The following GLT6D1 variants were observed in gnomAD, a reference collection of about 807,000 sequenced individuals.
GLT6D1 encodes putative glycosyltransferase 6 domain-containing protein 1.
A neutral mutation model predicts 12.3 loss-of-function variants in GLT6D1; 9 were observed. The ratio of observed to expected loss-of-function variants is 0.73; its 90% CI spans 0.44 to 1.27. The LOEUF is 1.27. Ranked by LOEUF, GLT6D1 falls within the 50% of genes most tolerant of loss-of-function variation. The pLI is 0.00. For synonymous variants in GLT6D1, 128 were observed against 132.3 expected, an observed-to-expected ratio of 0.97 and a Z score of 0.23; for missense variants, 335 against 346.2, an observed-to-expected ratio of 0.97 and a Z score of 0.26.
intron 2 of GLT6D1, among the ~76,000 whole-genome samples, chr9:135,634,846 C>A (rs1833735659): frequency 6.6e-6 from 1 of 152,126 alleles, no homozygotes; most frequent in Admixed American, 6.5e-5. Flanking sequence ...CTCTCAGACC[C>A]CATCATGACT....
chr9:135,629,326 C>T (rs1030165538), intron 3 of GLT6D1, among the ~76,000 whole-genome samples: 1 of 152,060 alleles, frequency 6.6e-6, no homozygotes, highest in Non-Finnish European at 1.5e-5. Context: ...TTTTTATTTT[C>T]AATCACCTTA....
At chr9:135,639,755 G>A (rs541108686), upstream of GLT6D1, among the ~76,000 whole-genome samples, 200 of 152,196 alleles carry the variant, frequency 1.3e-3, no homozygotes, top group African/African-American at 4.6e-3. Context: ...GAGGCTTCAC[G>A]TGGGATTTGG....
At chr9:135,637,931 G>T (rs1537414) in intron 2 of GLT6D1, among the ~76,000 whole-genome samples, 88,269 of 152,080 alleles carry the variant, frequency 0.58, 26,667 homozygotes, top group Middle Eastern at 0.7. Flanking sequence ...TGCTTATGAA[G>T]AAGACCATGA....
intron 2 of GLT6D1, among the ~76,000 whole-genome samples, chr9:135,633,647 A>C: frequency 6.6e-6 from 1 of 152,182 alleles, no homozygotes; most frequent in East Asian, 1.9e-4. Flanking sequence ...TAGTGTAACT[A>C]TTGCATAGGA....
intron 3 of GLT6D1, among the ~76,000 whole-genome samples, chr9:135,630,110 T>C (rs1230141266): frequency 6.6e-6 from 1 of 152,158 alleles, no homozygotes; most frequent in Non-Finnish European, 1.5e-5. Context: ...ATTTTCTATA[T>C]GTCATGTAAT....
Position 135,639,124 on chromosome 9 carries a change from A to G in GLT6D1, c.64T>C (p.Tyr22His), listed in dbSNP as rs750963076. ...TCAATACTTTATATTTACCTGAAAT[A>G]ACGCTCAACCAACATCAGTGAAAAA... ...FAFSLMLVER[Y>H]FRNHQVEELR... The change falls in exon 2 of 5, where the codon TAT becomes CAT. Residue 22 changes from tyrosine (Y) to histidine (H), a missense_variant. Coordinates refer to ENST00000371763, the MANE Select transcript of GLT6D1 (RefSeq NM_182974.3). 14 of 1,552,426 alleles carry G rather than the reference A, an allele frequency of 9.0e-6. No individual in the cohort carries two copies. Among genetic ancestry groups the G allele is most frequent in the Middle Eastern group, 1.7e-4 (1 of 5,806 alleles).
In GLT6D1 at chr9:135,623,901, T is replaced by C. The variant is rs147595395; in HGVS notation, c.*196A>G. 6.6e-4 allele frequency: 339 copies of C among 511,830 alleles called. 2 individuals are homozygous for C. In the East Asian group the frequency reaches 0.011, roughly 17 times the overall value. The allele number at this position is 511,830 out of a possible 1,614,324, so 31.7% of individuals were successfully genotyped here. Reference sequence around the variant, plus strand: ...AAGAAACATTTATTTGGGAAGGATGTAAATTTGTATGTCTCTAAAAAATGG... The same window carrying C: ...AAGAAACATTTATTTGGGAAGGATGCAAATTTGTATGTCTCTAAAAAATGG... On this transcript the variant is annotated 3_prime_UTR_variant, in exon 5 of 5. Coordinates refer to ENST00000371763, the MANE Select transcript of GLT6D1 (RefSeq NM_182974.3).
chr9:135,636,359 A>G lies in GLT6D1; in HGVS notation c.71+2758T>C, dbSNP rs372979301. On this transcript the variant is annotated intron_variant, in intron 2 of 4. Transcript: ENST00000371763. ...ACAGAGTGAGACTCTGTCTCAAAAC[A>G]AAACAAAACAAAAAAAACTCCACTC... Among the ~76,000 whole-genome samples the G allele has an allele frequency of 1.3e-4, 20 of 152,264 alleles. No homozygotes were observed. The East Asian group carries it at 2.5e-3, about 19-fold the overall frequency.
chr9:135,633,385 G>C (rs1833692380), intron 2 of GLT6D1, among the ~76,000 whole-genome samples: 1 of 152,114 alleles, frequency 6.6e-6, no homozygotes, highest in African/African-American at 2.4e-5. Flanking sequence ...GAGTAGCCCA[G>C]ATTACAGGTG....
chr9:135,639,972 C>G (rs1252620851), upstream of GLT6D1, among the ~76,000 whole-genome samples: 2 of 151,894 alleles, frequency 1.3e-5, no homozygotes, highest in Non-Finnish European at 2.9e-5. Context: ...GCCACCACAT[C>G]CAGCTAATTT....
chr9:135,632,668 T>A (rs1359461969), intron 2 of GLT6D1, among the ~76,000 whole-genome samples: 7 of 14,954 alleles, frequency 4.7e-4, no homozygotes, highest in Admixed American at 1.2e-3. Context: ...CGACAGAGAT[T>A]TTTTTTTTTT....
intron 3 of GLT6D1, among the ~76,000 whole-genome samples, chr9:135,630,421 A>G (rs2119139040): frequency 7.1e-6 from 1 of 140,112 alleles, no homozygotes; most frequent in East Asian, 2.1e-4. Flanking sequence ...AAAAAAAAAA[A>G]GAAGACTACA....
chr9:135,631,621 T>G (rs189414641), intron 2 of GLT6D1, 143 bp from the exon 3 acceptor site: 15 of 699,360 alleles, frequency 2.1e-5, no homozygotes, highest in Non-Finnish European at 2.9e-5. Flanking sequence ...AGAAGAGATA[T>G]CTCAGCTGGG....
intron 2 of GLT6D1, among the ~76,000 whole-genome samples, chr9:135,634,465 G>GTTTTTTTTTTTTTTTTTTTT (rs1833723992): frequency 1.9e-5 from 2 of 103,246 alleles, no homozygotes; most frequent in Non-Finnish European, 3.7e-5. Flanking sequence ...TTTTTTTTTT[G>GTTTTTTTTTTTTTTTTTTTT]GCATGATTTA....
chr9:135,638,155 TGAGA>T (rs1833818226), intron 2 of GLT6D1, among the ~76,000 whole-genome samples: 1 of 151,936 alleles, frequency 6.6e-6, no homozygotes, highest in African/African-American at 2.4e-5. Flanking sequence ...CAAGAGAAAA[TGAGA>T]AAGACGGAAA....
upstream of GLT6D1, among the ~76,000 whole-genome samples, chr9:135,640,472 G>C (rs1229381860): frequency 6.6e-6 from 1 of 152,098 alleles, no homozygotes; most frequent in Non-Finnish European, 1.5e-5. Flanking sequence ...TGTAATCCCA[G>C]CACTTTGGGA....
At chr9:135,624,896 ATTTT>A (rs397894316) in intron 4 of GLT6D1, among the ~76,000 whole-genome samples, 8 of 126,116 alleles carry the variant, frequency 6.3e-5, no homozygotes, top group African/African-American at 1.8e-4. Flanking sequence ...CGCCCAGGTA[ATTTT>A]TTTTTTTTTT....
Position 135,624,304 on chromosome 9 carries a change from A to G in GLT6D1, c.624T>C (p.Tyr208=), listed in dbSNP as rs1454424054. 1.9e-6 allele frequency: 3 copies of G among 1,608,056 alleles called. No individual in the cohort carries two copies. Among genetic ancestry groups the G allele is most frequent in the Non-Finnish European group, 2.5e-6 (3 of 1,176,870 alleles). The part of the protein sequence containing the change: ...WYFRNTKNFP[Y]ERRPTSAACI... ...AAGCTGCTGAGGTCGGCCTCCTCTC[A>G]TAAGGGAAGTTCTTGGTGTTTCTGA... Residue 208 remains tyrosine, a synonymous_variant, in exon 5 of 5, where the codon TAT becomes TAC. Transcript: ENST00000371763.
At position 135,626,090 on chromosome 9, in the gene GLT6D1, A is replaced by G. The variant is rs1833508361; in HGVS notation, c.236T>C (p.Leu79Pro). The G allele has an allele frequency of 1.9e-6, 3 of 1,614,162 alleles. No homozygotes were observed. The highest frequency in any genetic ancestry group is 1.3e-5 in the African/African-American group (1 of 75,062). ...HYRRRNITVG[L>P]AVFATGRFAE... ...CTACCTGCCAGTAGCAAAGACGGCC[A>G]GGCCCACAGTGATATTCCGCCTTCT... The change falls in exon 4 of 5, where the codon CTG (leucine) becomes CCG (proline). Residue 79 changes from leucine to proline, a missense_variant. Leu to Pro is a moderately conservative substitution (Grantham distance 98). Transcript: ENST00000371763.
Sources: gnomAD v4.1 joint callset for allele counts (sites outside exome capture counted in the v4.1 genomes callset) on GRCh38, gnomAD v4.1.1 for gene constraint, MANE v1.5 for transcripts, NCBI Gene and HGNC (gene_info 2026-07-23, HGNC 2026-07-21) for gene names.